Variants in DNAJC24 observed in about 807,000 individuals in gnomAD.
The protein encoded by DNAJC24 is DnaJ heat shock protein family (Hsp40) member C24, also known as dnaJ homolog subfamily C member 24.
In DNAJC24, 17 loss-of-function variants were observed where a neutral mutation model predicts 18.0. That is an observed-to-expected ratio of 0.94 (90% CI 0.65 to 1.42). The LOEUF (loss-of-function observed/expected upper bound fraction) is 1.42, where lower values mean the gene tolerates loss of function less well. DNAJC24 is among the 40% of genes most tolerant of loss of function. The pLI, the probability that DNAJC24 is intolerant of heterozygous loss-of-function variation, is 0.00. For synonymous variants in DNAJC24, 55 were observed against 57.7 expected, an observed-to-expected ratio of 0.95 and a Z score of 0.21; for missense variants, 158 against 175.6, an observed-to-expected ratio of 0.90 and a Z score of 0.57.
chr11:31,379,222 G>A (rs1457724348), intron 2 of DNAJC24, among the ~76,000 whole-genome samples: 4 of 152,168 alleles, frequency 2.6e-5, no homozygotes, highest in Admixed American at 6.5e-5. Context: ...GCCAGTGTGC[G>A]AGTGTTACCA....
intron 3 of DNAJC24, among the ~76,000 whole-genome samples, chr11:31,423,731 T>A (rs1952833324): frequency 6.6e-6 from 1 of 152,222 alleles, no homozygotes; most frequent in South Asian, 2.1e-4. Context: ...GAACCTGGAC[T>A]GTTTGTGCCC....
At chr11:31,405,478 G>C (rs775797203) in intron 2 of DNAJC24, among the ~76,000 whole-genome samples, 3 of 151,480 alleles carry the variant, frequency 2.0e-5, no homozygotes, top group Non-Finnish European at 4.4e-5. Context: ...CCACAGACTA[G>C]CTAATCTTTT....
At chr11:31,388,376 G>T (rs1225321593) in intron 2 of DNAJC24, among the ~76,000 whole-genome samples, 1 of 152,136 alleles carries the variant, frequency 6.6e-6, no homozygotes, top group Non-Finnish European at 1.5e-5. Flanking sequence ...CAAGAGAAAA[G>T]AATCAAATAG....
chr11:31,426,804 CTTGAT>C (rs1379807047), intron 4 of DNAJC24: 1 of 130,268 alleles, frequency 7.7e-6, no homozygotes, highest in Admixed American at 8.1e-5. Context: ...TTTTAAGAGG[CTTGAT>C]TTTTTTTTTT....
chr11:31,381,847 G>A (rs939667071), intron 2 of DNAJC24, among the ~76,000 whole-genome samples: 3 of 152,062 alleles, frequency 2.0e-5, no homozygotes, highest in Non-Finnish European at 2.9e-5. Context: ...AAAGTGCTGG[G>A]ATTACAGGTG....
chr11:31,430,486 T>A lies in DNAJC24; in HGVS notation c.*85T>A. ...AGCTTTGTCCATTCAAGGAAATGGA[T>A]TATTTGTCAGCCCGATTATTTGCAA... is the stretch of plus-strand genomic sequence containing the variant. On this transcript the variant is annotated 3_prime_UTR_variant, in exon 5 of 5. Coordinates refer to ENST00000465995, the MANE Select transcript of DNAJC24 (RefSeq NM_181706.5). The A allele has an allele frequency of 1.6e-6, 2 of 1,244,394 alleles. No individual in the cohort carries two copies. Among genetic ancestry groups the A allele is most frequent in the African/African-American group, 1.5e-5 (1 of 66,112 alleles). 77.1% of individuals were successfully genotyped at this position (1,244,394 alleles called of 1,614,324 possible).
At chr11:31,383,118 C>T (rs56171731) in intron 2 of DNAJC24, among the ~76,000 whole-genome samples, 3,010 of 152,112 alleles carry the variant, frequency 0.02, 86 homozygotes, top group African/African-American at 0.068. Context: ...ACAGTGTGTT[C>T]TTTGTTAACC....
chr11:31,418,129 A>G (rs893318917), intron 3 of DNAJC24, among the ~76,000 whole-genome samples: 2 of 152,088 alleles, frequency 1.3e-5, no homozygotes, highest in African/African-American at 2.4e-5. Context: ...AATTTAATCA[A>G]TTAGTTCTAG....
At chr11:31,376,214 G>A (rs1952313729) in intron 2 of DNAJC24, among the ~76,000 whole-genome samples, 1 of 152,188 alleles carries the variant, frequency 6.6e-6, no homozygotes, top group African/African-American at 2.4e-5. Context: ...ATGATTGCGA[G>A]GCCTCCCCAG....
rs1281956769 is a variant in DNAJC24 at position 31,369,894 on chromosome 11, A to G, written c.-52A>G. Reference sequence around the variant, plus strand: ...CGACAGCAGGCGAGGAGTGGGTAGCAGCGCCTATGTGAAGTTAGGTAGGTC... The same window carrying G: ...CGACAGCAGGCGAGGAGTGGGTAGCGGCGCCTATGTGAAGTTAGGTAGGTC... On this transcript the variant is annotated 5_prime_UTR_variant, in exon 1 of 5. Coordinates refer to ENST00000465995, the MANE Select transcript of DNAJC24 (RefSeq NM_181706.5). The G allele has an allele frequency of 6.6e-6, 1 of 152,618 alleles. No individual in the cohort carries two copies. The highest frequency in any genetic ancestry group is 1.5e-5 in the Non-Finnish European group (1 of 68,090). 9.5% of individuals were successfully genotyped at this position (152,618 alleles called of 1,614,324 possible).
At chr11:31,370,282 C>A (rs1952204786) in intron 1 of DNAJC24, among the ~76,000 whole-genome samples, 1 of 152,068 alleles carries the variant, frequency 6.6e-6, no homozygotes, top group Admixed American at 6.5e-5. Flanking sequence ...AGGAATGCCC[C>A]CAAATTTATT....
At chr11:31,391,696 G>T (rs1411860827) in intron 2 of DNAJC24, among the ~76,000 whole-genome samples, 1 of 152,138 alleles carries the variant, frequency 6.6e-6, no homozygotes, top group African/African-American at 2.4e-5. Flanking sequence ...CAGTTTGGAG[G>T]TTCCTCAAAA....
At chr11:31,372,770 A>C (rs1952278059) in intron 2 of DNAJC24, among the ~76,000 whole-genome samples, 1 of 135,408 alleles carries the variant, frequency 7.4e-6, no homozygotes, top group Admixed American at 7.6e-5. Flanking sequence ...TGGCTATTGG[A>C]GTTTTTGCAA....
intron 2 of DNAJC24, among the ~76,000 whole-genome samples, chr11:31,392,863 G>C (rs1338080742): frequency 1.3e-5 from 2 of 151,930 alleles, no homozygotes; most frequent in African/African-American, 4.8e-5. Context: ...CAGCCAGCCT[G>C]GTCTCAAACT....
chr11:31,428,914 C>T (rs1287418999), intron 4 of DNAJC24, among the ~76,000 whole-genome samples: 1 of 152,060 alleles, frequency 6.6e-6, no homozygotes, highest in African/African-American at 2.4e-5. Context: ...ATGGTGTCCT[C>T]TGTGTCATTT....
chr11:31,430,203 C>T (rs1952905681), intron 4 of DNAJC24, 68 bp from the exon 5 acceptor site: 1 of 1,390,218 alleles, frequency 7.2e-7, no homozygotes, highest in Admixed American at 2.1e-5. Flanking sequence ...AAACTCTGCA[C>T]CTTTTAAGGG....
chr11:31,402,775 G>T (rs1303346088), intron 2 of DNAJC24, among the ~76,000 whole-genome samples: 1 of 152,168 alleles, frequency 6.6e-6, no homozygotes, highest in Non-Finnish European at 1.5e-5. Context: ...TTCCCAAAGT[G>T]CTGGGATTAC....
At chr11:31,429,546 A>G (rs1347989204) in intron 4 of DNAJC24, 1 of 373,662 alleles carries the variant, frequency 2.7e-6, no homozygotes, top group South Asian at 1.9e-5. Flanking sequence ...GTCAAAGGGC[A>G]CAAGCATTTC....
At chr11:31,421,991 G>A (rs1298579990) in intron 3 of DNAJC24, 1 of 442,908 alleles carries the variant, frequency 2.3e-6, no homozygotes, top group Non-Finnish European at 4.5e-6. Flanking sequence ...CCTCTCTGAT[G>A]AGTCCTGCCA....
Sources: allele counts gnomAD v4.1 joint callset (sites outside exome capture counted in the v4.1 genomes callset), GRCh38; gene constraint gnomAD v4.1.1; transcripts MANE v1.5; gene names NCBI Gene and HGNC (gene_info 2026-07-23, HGNC 2026-07-21).